Variants in BCAS3 observed in about 807,000 individuals in gnomAD.
BCAS3 encodes the protein BCAS4/BCAS3 fusion.
A neutral mutation model predicts 116.1 loss-of-function variants in BCAS3; 53 were observed. The observed-to-expected ratio is 0.46, with a 90% CI of 0.37 to 0.57. The LOEUF (loss-of-function observed/expected upper bound fraction) is 0.57. Ranked by LOEUF, BCAS3 falls within the 20% of genes least tolerant of loss-of-function variation. The pLI is 0.00. For synonymous variants in BCAS3, 391 were observed against 408.2 expected, an observed-to-expected ratio of 0.96 and a Z score of 0.51; for missense variants, 917 against 1,165.4, an observed-to-expected ratio of 0.79 and a Z score of 3.10.
At chr17:61,183,799 G>C (rs2079611378) in intron 22 of BCAS3, among the ~76,000 whole-genome samples, 1 of 152,224 alleles carries the variant, frequency 6.6e-6, no homozygotes. Context: ...GAAAATGACT[G>C]ATACAATTGT....
intron 22 of BCAS3, among the ~76,000 whole-genome samples, chr17:61,094,148 T>G (rs2143614690): frequency 6.6e-6 from 1 of 152,294 alleles, no homozygotes; most frequent in South Asian, 2.1e-4. Context: ...GCTACCTACT[T>G]AAGAGTTCTT....
chr17:60,840,286 A>G (rs549507881), intron 7 of BCAS3, among the ~76,000 whole-genome samples: 2 of 152,278 alleles, frequency 1.3e-5, no homozygotes, highest in East Asian at 3.9e-4. Flanking sequence ...GCATCTGTCT[A>G]CTATACCATT....
rs572193493 is a variant in BCAS3 at position 61,171,261 on chromosome 17, G to A, written c.2425+86697G>A. 1.3e-5 allele frequency among the ~76,000 whole-genome samples: 2 copies of A among 152,130 alleles called. No individual in the cohort carries two copies. Among genetic ancestry groups the A allele is most frequent in the South Asian group, 4.1e-4 (2 of 4,832 alleles). On this transcript the variant is annotated intron_variant, in intron 22 of 23. Transcript: ENST00000407086. This position sits in a 1 kb window ranked among gnomAD's most constrained non-coding sequence, Gnocchi z 4.1. ...ACAAATATATGCTATACATTCTAAA[G>A]CAGCCTCTAAAGTAACATAGGTGTA...
At chr17:61,197,509 T>C (rs1404508837) in intron 22 of BCAS3, among the ~76,000 whole-genome samples, 1 of 152,238 alleles carries the variant, frequency 6.6e-6, no homozygotes, top group Non-Finnish European at 1.5e-5. Flanking sequence ...ATTTTCCTTC[T>C]TGTAATGATC....
intron 3 of BCAS3, among the ~76,000 whole-genome samples, chr17:60,686,356 G>A (rs530214069): frequency 9.7e-4 from 147 of 152,204 alleles, no homozygotes; most frequent in African/African-American, 3.5e-3. Flanking sequence ...TGGAGCCTAG[G>A]TATTCTCTGG....
chr17:60,995,436 A>G lies in BCAS3; in HGVS notation c.1486+5201A>G, dbSNP rs2063776229. The stretch of plus-strand genomic sequence containing the variant: ...CGTGGCCTCCCAAAGTGCTGGGATT[A>G]CAGACATGAGCCACCGCGCCCAGCC... On this transcript the variant is annotated intron_variant, in intron 15 of 23. Coordinates refer to ENST00000407086, the MANE Select transcript of BCAS3 (RefSeq NM_017679.5). The surrounding 1 kb of genome is among the most constrained non-coding windows in gnomAD (Gnocchi z 4.7). 6.6e-6 allele frequency among the ~76,000 whole-genome samples: 1 copy of G among 152,006 alleles called. No individual in the cohort carries two copies. Among genetic ancestry groups the G allele is most frequent in the African/African-American group, 2.4e-5 (1 of 41,376 alleles).
chr17:60,840,713 A>C (rs1356442835), intron 7 of BCAS3, among the ~76,000 whole-genome samples: 2 of 152,318 alleles, frequency 1.3e-5, no homozygotes, highest in African/African-American at 4.8e-5. Context: ...GGTAGTATTT[A>C]TATATAAAAA....
Position 61,339,680 on chromosome 17 carries a change from C to A in BCAS3, c.2426-28647C>A. 6.6e-6 allele frequency among the ~76,000 whole-genome samples: 1 copy of A among 151,712 alleles called. No homozygotes were observed. ...ACTCGGGAGGCTGAGGCAGGAGAAT[C>A]GCTCGAACCTAGGAGGTGGCGGTTA... On this transcript the variant is annotated intron_variant, in intron 22 of 23. Transcript: ENST00000407086. This position sits in a 1 kb window ranked among gnomAD's most constrained non-coding sequence, Gnocchi z 4.4.
At chr17:61,283,479 A>C (rs1223989002) in intron 22 of BCAS3, among the ~76,000 whole-genome samples, 3 of 149,296 alleles carry the variant, frequency 2.0e-5, no homozygotes, top group Admixed American at 2.0e-4. Context: ...TTTTGAGACG[A>C]GTCTGGCTCT....
rs962323905 is a variant in BCAS3, at chr17:61,200,564, C to A, written c.2425+116000C>A. Among the ~76,000 whole-genome samples, 1 of 152,196 alleles carries A rather than the reference C, an allele frequency of 6.6e-6. No homozygotes were observed. Among genetic ancestry groups the A allele is most frequent in the Non-Finnish European group, 1.5e-5 (1 of 68,042 alleles). On this transcript the variant is annotated intron_variant, in intron 22 of 23. Coordinates refer to ENST00000407086, the MANE Select transcript of BCAS3 (RefSeq NM_017679.5). This position sits in a 1 kb window ranked among gnomAD's most constrained non-coding sequence, Gnocchi z 5.1. ...AGCCTCCTGGATCCTGATCGTTCAG[C>A]CTCCGAAACATTCCTACTGAAGAGG...
chr17:60,863,011 A>G (rs1236741807), intron 7 of BCAS3, among the ~76,000 whole-genome samples: 2 of 152,196 alleles, frequency 1.3e-5, no homozygotes, highest in African/African-American at 4.8e-5. Flanking sequence ...AATAGGTTAC[A>G]AAGATTTTTC....
At chr17:61,090,767 C>T (rs1259836760) in intron 22 of BCAS3, among the ~76,000 whole-genome samples, 3 of 152,106 alleles carry the variant, frequency 2.0e-5, no homozygotes, top group Admixed American at 2.0e-4. Flanking sequence ...AAGCGATTCT[C>T]CTGCCTCAGC....
At position 60,679,524 on chromosome 17, in the gene BCAS3, C is replaced by T. The variant is rs751704466; in HGVS notation, c.67C>T (p.Arg23Cys). 3.7e-6 allele frequency: 6 copies of T among 1,613,070 alleles called. No homozygotes were observed. Among genetic ancestry groups the T allele is most frequent in the African/African-American group, 1.3e-5 (1 of 75,020 alleles). The change falls in exon 2 of 24, where the codon CGC becomes TGC. Residue 23 changes from arginine to cysteine, a missense_variant. By Grantham distance (180) the Arg-to-Cys change is radical. Transcript: ENST00000407086. ...PSRCTGGVVV[R>C]PQAVTEQSYM... is the part of the protein sequence containing the mutation. ...TCGTTGTACTGGTGGAGTTGTGGTT[C>T]GCCCCCAGGCTGTCACGTAAGCACA...
chr17:61,164,011 C>CAAA (rs547112430), intron 22 of BCAS3, among the ~76,000 whole-genome samples: 1 of 127,326 alleles, frequency 7.9e-6, no homozygotes, highest in East Asian at 2.3e-4. Context: ...AAAAAAAAAC[C>CAAA]AAAAAAAAAA....
Position 61,375,569 on chromosome 17 carries a change from CTT to C in BCAS3, c.2593+7092_2593+7093del, listed in dbSNP as rs909845597. Among the ~76,000 whole-genome samples, 169 of 136,464 alleles carry C rather than the reference CTT, an allele frequency of 1.2e-3. 1 individual carries two copies. The highest frequency in any genetic ancestry group is 3.8e-3 in the African/African-American group (137 of 36,224). 89.5% of individuals were successfully genotyped at this position (136,464 alleles called of 152,430 possible). On this transcript the variant is annotated intron_variant, in intron 23 of 23. Transcript: ENST00000407086. ...GGCACCAGTACCATGTGTTAATTAT[CTT>C]TTTTTTTTTTTTTTTTGAGATGGAG...
At chr17:61,338,457 T>A (rs572141735) in intron 22 of BCAS3, among the ~76,000 whole-genome samples, 2 of 152,336 alleles carry the variant, frequency 1.3e-5, no homozygotes, top group Admixed American at 1.3e-4. Context: ...CTGCTTTTTT[T>A]AGCTCTTCCT....
In BCAS3 at chr17:61,078,449, G is replaced by A; in HGVS notation, c.2247G>A (p.Val749=). 5.0e-6 allele frequency: 8 copies of A among 1,614,170 alleles called. No homozygotes were observed. The highest frequency in any genetic ancestry group is 6.8e-6 in the Non-Finnish European group (8 of 1,180,022). Reference sequence around the variant, plus strand: ...CAGTTATCTCATCCAGTTCATCTGTGTTGCAGTCTCATGGTCCGAGTGACA... The same window carrying A: ...CAGTTATCTCATCCAGTTCATCTGTATTGCAGTCTCATGGTCCGAGTGACA... The part of the protein sequence containing the change: ...QTTVISSSSS[V]LQSHGPSDTP... Residue 749 remains valine, a synonymous_variant, in exon 21 of 24, where the codon GTG becomes GTA. Coordinates refer to ENST00000407086, the MANE Select transcript of BCAS3 (RefSeq NM_017679.5).
At chr17:61,129,540 G>A (rs1171652479) in intron 22 of BCAS3, among the ~76,000 whole-genome samples, 3 of 152,178 alleles carry the variant, frequency 2.0e-5, no homozygotes, top group Non-Finnish European at 2.9e-5. Context: ...CTGGTGGGTG[G>A]GTATTTGTCA....
At position 60,999,224 on chromosome 17, in the gene BCAS3, A is replaced by G. The variant is rs1227279358; in HGVS notation, c.1486+8989A>G. On this transcript the variant is annotated intron_variant, in intron 15 of 23. Transcript: ENST00000407086. ...AATACTATCCTGTTTTTGTTACCAT[A>G]GCCTTGTAGTACAGTTTGAAATGTG... 2.0e-5 allele frequency among the ~76,000 whole-genome samples: 3 copies of G among 152,088 alleles called. No individual in the cohort carries two copies. The East Asian group carries it at 5.8e-4, about 29-fold the overall frequency.
Sources: allele counts gnomAD v4.1 joint callset (sites outside exome capture counted in the v4.1 genomes callset), GRCh38; gene constraint gnomAD v4.1.1; non-coding constraint Gnocchi (gnomAD v3.1); transcripts MANE v1.5; gene names NCBI Gene and HGNC (gene_info 2026-07-23, HGNC 2026-07-21).